Variants in IBTK observed in about 807,000 individuals in gnomAD.
IBTK encodes BTK-binding protein.
A neutral mutation model predicts 154.9 loss-of-function variants in IBTK; 83 were observed. The observed-to-expected ratio is 0.54, with a 90% confidence interval of 0.45 to 0.64. The LOEUF is 0.64. Among genes scored for constraint, IBTK ranks in the 30% least tolerant of loss-of-function variants. The pLI is 0.00. For missense variants in IBTK, 1,332 were observed against 1,584.6 expected, an observed-to-expected ratio of 0.84 and a Z score of 2.71; for synonymous variants, 515 against 536.1, an observed-to-expected ratio of 0.96 and a Z score of 0.54.
rs1367765180 is a variant in IBTK at position 82,216,190 on chromosome 6, C to T, written c.1487G>A (p.Ser496Asn). 1.2e-6 allele frequency: 2 copies of T among 1,611,324 alleles called. No individual in the cohort carries two copies. The highest frequency in any genetic ancestry group is 1.1e-5 in the South Asian group (1 of 90,672). Residue 496 changes from serine to asparagine, a missense_variant, in exon 11 of 29, where the codon AGT (serine) becomes AAT (asparagine). Physicochemically the swap from Ser to Asn is conservative, Grantham distance 46. This residue lies in a region of IBTK where 1,134 missense variants were observed against 1,274.7 expected (regional missense o/e 0.89). Transcript: ENST00000306270. ...SDVSYVSDIN[S>N]VYERIRLEKL... ...CTCAAGTCGAATTCTTTCATACACA[C>T]TATTTATATCAGAGACATAAGACAC...
At chr6:82,198,133 T>C (rs1021283785) in intron 21 of IBTK, among the ~76,000 whole-genome samples, 1 of 152,228 alleles carries the variant, frequency 6.6e-6, no homozygotes, top group Admixed American at 6.5e-5. Flanking sequence ...TCATTACTAA[T>C]GTCTCTTCTA....
intron 11 of IBTK, among the ~76,000 whole-genome samples, chr6:82,215,831 T>C (rs1423037032): frequency 6.7e-6 from 1 of 148,978 alleles, no homozygotes; most frequent in Non-Finnish European, 1.5e-5. Context: ...AGTGCATGTA[T>C]AGATATTTTC....
intron 26 of IBTK, among the ~76,000 whole-genome samples, chr6:82,175,898 G>A (rs776146325): frequency 2.0e-4 from 30 of 151,702 alleles, no homozygotes; most frequent in Non-Finnish European, 3.2e-4. Context: ...GCTTGGTGGC[G>A]CATACCTGTA....
chr6:82,214,816 G>T lies in IBTK; in HGVS notation c.1615C>A (p.Pro539Thr). 2.5e-6 allele frequency: 4 copies of T among 1,576,648 alleles called. No homozygotes were observed. The highest frequency in any genetic ancestry group is 3.4e-6 in the Non-Finnish European group (4 of 1,162,208). Residue 539 changes from proline to threonine, a missense_variant, in exon 12 of 29, where the codon CCA (proline) becomes ACA (threonine). Around this residue, in one of 3 missense-constraint regions of IBTK, gnomAD observed 1,134 missense variants for 1,274.7 expected, o/e 0.89. Transcript: ENST00000306270. ...SDPKTSLYEIPAVSSSSFFEE... is the reference protein window; with the variant it reads ...SDPKTSLYEITAVSSSSFFEE... Reference sequence around the variant, plus strand: ...AAAAAGGATGATGAGGACACAGCTGGAATTTCATAAAGGCTAGAAAGAAGA... The same window carrying T: ...AAAAAGGATGATGAGGACACAGCTGTAATTTCATAAAGGCTAGAAAGAAGA...
intron 23 of IBTK, among the ~76,000 whole-genome samples, chr6:82,192,496 C>A (rs1356297909): frequency 6.6e-6 from 1 of 152,078 alleles, no homozygotes; most frequent in East Asian, 1.9e-4. Context: ...CCTGTAATCC[C>A]AGTACTTTGG....
chr6:82,178,363 CTTTTT>C (rs571359349), intron 26 of IBTK, among the ~76,000 whole-genome samples: 4 of 151,778 alleles, frequency 2.6e-5, no homozygotes, highest in Non-Finnish European at 5.9e-5. Flanking sequence ...TATCTAAAGA[CTTTTT>C]TTTAAGTTTC....
intron 2 of IBTK, 29 bp from the exon 3 acceptor site, chr6:82,234,284 AATAT>A (rs767156988): frequency 1.2e-6 from 1 of 851,966 alleles, no homozygotes; most frequent in East Asian, 3.0e-5. Context: ...CAAATACATA[AATAT>A]ATATATATTA....
chr6:82,178,393 T>C (rs1156286832), intron 26 of IBTK, among the ~76,000 whole-genome samples: 1 of 152,150 alleles, frequency 6.6e-6, no homozygotes, highest in African/African-American at 2.4e-5. Flanking sequence ...AATATTAATA[T>C]TTAAAATATA....
At chr6:82,172,688 T>C in intron 27 of IBTK, 176 bp from the exon 28 acceptor site, 2 of 569,010 alleles carry the variant, frequency 3.5e-6, no homozygotes, top group Non-Finnish European at 5.8e-6. Flanking sequence ...CCTAAATTTT[T>C]GCATGCAAAA....
intron 16 of IBTK, among the ~76,000 whole-genome samples, chr6:82,210,088 G>T (rs1016356044): frequency 6.6e-6 from 1 of 152,124 alleles, no homozygotes; most frequent in African/African-American, 2.4e-5. Flanking sequence ...AACATATCTT[G>T]TAACTAAAAG....
Position 82,194,512 on chromosome 6 carries a change from G to A in IBTK, c.3305C>T (p.Thr1102Ile). 6.3e-7 allele frequency: 1 copy of A among 1,599,740 alleles called. No individual in the cohort carries two copies. Among genetic ancestry groups the A allele is most frequent in the Non-Finnish European group, 8.5e-7 (1 of 1,172,932 alleles). ...ACCAGCAACCCAACTGGCAGAGCTG[G>A]TAGTATCAATTCTGTTACTGGGAAT... ...QPIPSNRIDTTSSASWVAGSF... is the reference protein window; with the variant it reads ...QPIPSNRIDTISSASWVAGSF... The change falls in exon 23 of 29, where the codon ACC becomes ATC. Residue 1102 changes from threonine to isoleucine, a missense_variant. Thr to Ile is a moderately conservative substitution (Grantham distance 89). Around this residue, in one of 3 missense-constraint regions of IBTK, gnomAD observed 1,134 missense variants for 1,274.7 expected, o/e 0.89. Transcript: ENST00000306270.
Position 82,214,766 on chromosome 6 carries a change from C to G in IBTK, c.1665G>C (p.Arg555Ser). ...SFFEEFGKLL[R>S]EADEMDSIHD... ...GAATGCTGTCCATTTCATCTGCTTC[C>G]CTCAACAGTTTGCCAAACTCTTCAA... The change falls in exon 12 of 29, where the codon AGG becomes AGC. Residue 555 changes from arginine (R) to serine (S), a missense_variant. By Grantham distance (110) the Arg-to-Ser change is moderately radical. This residue lies in a region of IBTK where 1,134 missense variants were observed against 1,274.7 expected (regional missense o/e 0.89). Transcript: ENST00000306270. The G allele has an allele frequency of 6.2e-7, 1 of 1,613,396 alleles. No individual in the cohort carries two copies. Among genetic ancestry groups the G allele is most frequent in the Non-Finnish European group, 8.5e-7 (1 of 1,179,682 alleles).
At chr6:82,207,089 C>A (rs1025403660) in intron 16 of IBTK, among the ~76,000 whole-genome samples, 4 of 151,960 alleles carry the variant, frequency 2.6e-5, no homozygotes, top group African/African-American at 7.2e-5. Context: ...CTAATCAGGG[C>A]AATTAAGCAA....
chr6:82,175,212 A>T (rs1013274387), intron 26 of IBTK, among the ~76,000 whole-genome samples: 5 of 152,218 alleles, frequency 3.3e-5, no homozygotes, highest in Admixed American at 1.3e-4. Flanking sequence ...TTTTTAGTAT[A>T]CGATAATGAA....
chr6:82,238,742 T>A (rs1770829067), intron 2 of IBTK, among the ~76,000 whole-genome samples: 1 of 151,612 alleles, frequency 6.6e-6, no homozygotes, highest in Admixed American at 6.6e-5. Context: ...CGCCTGGCCA[T>A]CAATTTCTTT....
At chr6:82,241,476 A>C (rs1359036952) in intron 1 of IBTK, among the ~76,000 whole-genome samples, 1 of 152,194 alleles carries the variant, frequency 6.6e-6, no homozygotes, top group East Asian at 1.9e-4. Flanking sequence ...TAATTAAACA[A>C]AGGTATTAAA....
intron 23 of IBTK, among the ~76,000 whole-genome samples, 165 bp downstream of exon 23, chr6:82,194,314 A>G (rs561870005): frequency 1.3e-5 from 2 of 152,150 alleles, no homozygotes; most frequent in South Asian, 2.1e-4. Context: ...TTGGGGGGGA[A>G]GCCTATTATA....
At chr6:82,219,428 ATTATT>A (rs1769988661) in intron 9 of IBTK, among the ~76,000 whole-genome samples, 1 of 152,244 alleles carries the variant, frequency 6.6e-6, no homozygotes, top group South Asian at 2.1e-4. Flanking sequence ...CTCGGAAAAC[ATTATT>A]TTAATTTGAT....
At chr6:82,234,325 C>T in intron 2 of IBTK, 70 bp from the exon 3 acceptor site, 1 of 525,982 alleles carries the variant, frequency 1.9e-6, no homozygotes, top group Non-Finnish European at 2.8e-6. Flanking sequence ...TCAGTAACTT[C>T]CTATTTTATT....
Sources: gnomAD v4.1 joint callset for allele counts (sites outside exome capture counted in the v4.1 genomes callset) on GRCh38, gnomAD v4.1.1 for gene constraint, gnomAD v4.1.1 regional missense constraint, MANE v1.5 for transcripts, NCBI Gene and HGNC (gene_info 2026-07-23, HGNC 2026-07-21) for gene names.